The following DLG2 variants were observed in gnomAD, a reference collection of about 807,000 sequenced individuals.
DLG2 encodes the protein disks large homolog 2.
In DLG2, 45 loss-of-function variants were observed where a neutral mutation model predicts 132.5. The ratio of observed to expected loss-of-function variants is 0.34; its 90% CI spans 0.27 to 0.44. DLG2 has a LOEUF of 0.44. Among genes scored for constraint, DLG2 ranks in the 20% least tolerant of loss-of-function variants. The pLI is 1.00. For missense variants in DLG2, 1,045 were observed against 1,196.9 expected (o/e 0.87, Z 1.87); for synonymous variants, 424 against 419.6 (o/e 1.01, Z -0.13).
chr11:85,107,837 C>A (rs2072028699), intron 6 of DLG2, among the ~76,000 whole-genome samples: 1 of 146,476 alleles, frequency 6.8e-6, no homozygotes, highest in Non-Finnish European at 1.5e-5. Flanking sequence ...TAATTATGTC[C>A]ATGTTTCTAA....
intron 6 of DLG2, among the ~76,000 whole-genome samples, chr11:84,805,461 G>T (rs947629017): frequency 6.6e-6 from 1 of 152,192 alleles, no homozygotes; most frequent in African/African-American, 2.4e-5. Flanking sequence ...ATGTTCAACT[G>T]TAATCTCCAG....
intron 8 of DLG2, among the ~76,000 whole-genome samples, chr11:84,173,612 A>G (rs2095871827): frequency 6.6e-6 from 1 of 152,204 alleles, no homozygotes; most frequent in Non-Finnish European, 1.5e-5. Flanking sequence ...ATTTTCTTTT[A>G]CTTGAGTATA....
chr11:83,528,355 A>G (rs2095658150), intron 21 of DLG2, among the ~76,000 whole-genome samples: 1 of 152,160 alleles, frequency 6.6e-6, no homozygotes, highest in South Asian at 2.1e-4. Flanking sequence ...CTTCCATACA[A>G]GCTTTCTGGC....
chr11:85,299,818 G>C (rs1217668229), intron 3 of DLG2, among the ~76,000 whole-genome samples: 1 of 152,126 alleles, frequency 6.6e-6, no homozygotes, highest in African/African-American at 2.4e-5. Context: ...CTGGTCCAGG[G>C]ACTGCACTTT....
At chr11:84,608,295 A>T (rs1422598854) in intron 6 of DLG2, among the ~76,000 whole-genome samples, 1 of 152,048 alleles carries the variant, frequency 6.6e-6, no homozygotes, top group Non-Finnish European at 1.5e-5. Context: ...ATCATATCTG[A>T]TCCTATTTCT....
chr11:84,962,903 A>G (rs887254609), intron 6 of DLG2, among the ~76,000 whole-genome samples: 2 of 152,236 alleles, frequency 1.3e-5, no homozygotes, highest in Admixed American at 1.3e-4. Context: ...AGGTAAAAAT[A>G]ATGTATTTCA....
chr11:85,317,020 T>G (rs1467212540), intron 3 of DLG2, among the ~76,000 whole-genome samples: 1 of 151,980 alleles, frequency 6.6e-6, no homozygotes, highest in African/African-American at 2.4e-5. Flanking sequence ...AATGGCTTCC[T>G]TGTTCCCAGT....
At chr11:85,323,357 C>A (rs2081213650) in intron 3 of DLG2, among the ~76,000 whole-genome samples, 1 of 152,138 alleles carries the variant, frequency 6.6e-6, no homozygotes, top group African/African-American at 2.4e-5. Flanking sequence ...TTATTAAATG[C>A]CCTTCTTTCT....
At chr11:83,561,891 T>C (rs868106351) in intron 19 of DLG2, among the ~76,000 whole-genome samples, 5,930 of 136,886 alleles carry the variant, frequency 0.043, 137 homozygotes, top group South Asian at 0.13. Flanking sequence ...TTCTTTTTTT[T>C]TTTTTTTTTT....
At chr11:84,950,819 T>C (rs1231578802) in intron 6 of DLG2, among the ~76,000 whole-genome samples, 1 of 152,114 alleles carries the variant, frequency 6.6e-6, no homozygotes. Flanking sequence ...ACCCCAAAGC[T>C]TGGTCTACAT....
intron 7 of DLG2, among the ~76,000 whole-genome samples, chr11:84,306,549 T>C (rs1214956173): frequency 6.6e-6 from 1 of 152,232 alleles, no homozygotes; most frequent in Non-Finnish European, 1.5e-5. Flanking sequence ...GTAATAATCA[T>C]TGAATCCTTG....
Position 83,866,456 on chromosome 11 carries a change from A to G in DLG2, c.1565+7964T>C, listed in dbSNP as rs577276372. 6.0e-4 allele frequency among the ~76,000 whole-genome samples: 92 copies of G among 152,244 alleles called. 3 individuals carry two copies. In the South Asian group the frequency reaches 0.018, roughly 29 times the overall value. ...TTTGCTCCTCGTTGGTTAATTCAGCATATTAACTAGCTCTTTAGTGACATC... is the reference window on the plus strand; with the variant it reads ...TTTGCTCCTCGTTGGTTAATTCAGCGTATTAACTAGCTCTTTAGTGACATC... On this transcript the variant is annotated intron_variant, in intron 16 of 27. Transcript: ENST00000376104.
intron 13 of DLG2, among the ~76,000 whole-genome samples, chr11:83,964,049 A>C (rs2089600629): frequency 6.6e-6 from 1 of 151,948 alleles, no homozygotes; most frequent in African/African-American, 2.4e-5. Flanking sequence ...CCTTCCTCCC[A>C]ACAAAGCTCT....
intron 19 of DLG2, among the ~76,000 whole-genome samples, chr11:83,580,092 T>C (rs1224368979): frequency 6.6e-6 from 1 of 152,144 alleles, no homozygotes; most frequent in African/African-American, 2.4e-5. Context: ...CCAATGTTTG[T>C]TGTTAATTTT....
rs190259197 is a variant in DLG2, at chr11:85,545,953, A to G, written c.40+52704T>C. 3.3e-5 allele frequency among the ~76,000 whole-genome samples: 5 copies of G among 152,118 alleles called. No individual in the cohort carries two copies. The East Asian group carries it at 9.7e-4, about 29-fold the overall frequency. On this transcript the variant is annotated intron_variant, in intron 3 of 27. Coordinates refer to ENST00000376104, the MANE Select transcript of DLG2 (RefSeq NM_001142699.3). The stretch of plus-strand genomic sequence containing the variant: ...TTTCAAAAAACCAGCTCCTGGATTC[A>G]TTGATTTTATGTAGGGTTTTTTGTG...
chr11:84,919,881 A>G (rs1004378092), intron 6 of DLG2, among the ~76,000 whole-genome samples: 1 of 152,224 alleles, frequency 6.6e-6, no homozygotes, highest in African/African-American at 2.4e-5. Flanking sequence ...TGAACTGTGT[A>G]CGTGATGATC....
intron 6 of DLG2, among the ~76,000 whole-genome samples, chr11:84,895,999 C>A (rs891395184): frequency 1.3e-5 from 2 of 152,010 alleles, no homozygotes; most frequent in African/African-American, 4.8e-5. Flanking sequence ...TATACTGTAT[C>A]TATCAATATG....
intron 12 of DLG2, among the ~76,000 whole-genome samples, chr11:83,975,790 T>G (rs2092118096): frequency 6.6e-6 from 1 of 151,994 alleles, no homozygotes; most frequent in African/African-American, 2.4e-5. Context: ...GAAGAGGAAT[T>G]AGTCTTCACC....
At chr11:84,430,825 C>T (rs890017138) in intron 7 of DLG2, among the ~76,000 whole-genome samples, 1 of 152,186 alleles carries the variant, frequency 6.6e-6, no homozygotes, top group Non-Finnish European at 1.5e-5. Flanking sequence ...TGCAGCAGGG[C>T]TGCGTTCAGC....
Sources: allele counts gnomAD v4.1 joint callset (sites outside exome capture counted in the v4.1 genomes callset), GRCh38; gene constraint gnomAD v4.1.1; transcripts MANE v1.5; gene names NCBI Gene and HGNC (gene_info 2026-07-23, HGNC 2026-07-21).